The following IRAK2 variants were observed in gnomAD, a reference collection of about 807,000 sequenced individuals.
IRAK2 encodes the protein interleukin-1 receptor-associated kinase-like 2.
A neutral mutation model predicts 72.0 loss-of-function variants in IRAK2; 57 were observed. The observed-to-expected ratio is 0.79, with a 90% CI of 0.64 to 0.99. The LOEUF (loss-of-function observed/expected upper bound fraction) is 0.99. Among genes scored for constraint, IRAK2 ranks in the 50% least tolerant of loss-of-function variants. The pLI is 0.00. For missense variants in IRAK2, 790 were observed against 794.4 expected (o/e 0.99, Z 0.07); for synonymous variants, 293 against 312.7 (o/e 0.94, Z 0.67).
intron 2 of IRAK2, among the ~76,000 whole-genome samples, chr3:10,192,361 C>T (rs1697189832): frequency 6.6e-6 from 1 of 152,200 alleles, no homozygotes; most frequent in African/African-American, 2.4e-5. Flanking sequence ...TCTGCTCCAA[C>T]AGCTCCTGGA....
intron 8 of IRAK2, 71 bp from the exon 9 acceptor site, chr3:10,222,565 A>G: frequency 1.5e-6 from 2 of 1,312,676 alleles, no homozygotes; most frequent in Admixed American, 1.7e-5. Flanking sequence ...TGTCTCCCCA[A>G]AGGGTCTCCA....
At chr3:10,182,729 A>G (rs965058759) in intron 2 of IRAK2, among the ~76,000 whole-genome samples, 1 of 149,876 alleles carries the variant, frequency 6.7e-6, no homozygotes, top group Non-Finnish European at 1.5e-5. Flanking sequence ...TTTAATTTTA[A>G]TTTTTTGTTA....
At chr3:10,181,970 CTTT>C (rs376518112) in intron 2 of IRAK2, among the ~76,000 whole-genome samples, 6 of 131,814 alleles carry the variant, frequency 4.6e-5, no homozygotes, top group Non-Finnish European at 6.5e-5. Context: ...TTTTTCTTTT[CTTT>C]TTTTTTTTTT....
chr3:10,175,360 CA>C lies in IRAK2; in HGVS notation c.95-2477del, dbSNP rs1696857485. Among the ~76,000 whole-genome samples the C allele has an allele frequency of 2.0e-5, 3 of 152,006 alleles. No individual in the cohort carries two copies. The East Asian group carries it at 5.9e-4, about 30-fold the overall frequency. The stretch of plus-strand genomic sequence containing the variant: ...CAGGCTAGTATCGAACTCCTGACCT[CA>C]GGTGATCCACCTGCCTCAGCCTCCC... On this transcript the variant is annotated intron_variant, in intron 1 of 12. Transcript: ENST00000256458.
At chr3:10,233,201 C>T (rs1377539020) in intron 10 of IRAK2, among the ~76,000 whole-genome samples, 8 of 152,054 alleles carry the variant, frequency 5.3e-5, no homozygotes, top group Admixed American at 6.6e-5. Context: ...AGGCACGCAC[C>T]GCCATGCCCG....
chr3:10,212,763 CTTT>C (rs543464447), intron 4 of IRAK2, among the ~76,000 whole-genome samples: 3 of 125,948 alleles, frequency 2.4e-5, no homozygotes, highest in Admixed American at 8.4e-5. Flanking sequence ...TATCCATGTC[CTTT>C]TTTTTTTTTT....
rs947074561 is a variant in IRAK2 at position 10,213,640 on chromosome 3, A to G, written c.788+92A>G. On this transcript the variant is annotated intron_variant, in intron 6 of 12. Transcript: ENST00000256458. ...TCATGTTTTAAGCACTCTATTATAT[A>G]TAAACTCATTTAGTCCTTACAAGAA... 12 of 942,412 alleles carry G rather than the reference A, an allele frequency of 1.3e-5. No individual in the cohort carries two copies. In the East Asian group the frequency reaches 2.4e-4, roughly 19 times the overall value. The allele number at this position is 942,412 out of a possible 1,614,324, so 58.4% of individuals were successfully genotyped here. A position where few individuals can be genotyped will look rare whatever the true frequency, so the allele number is the denominator to read the frequency against.
chr3:10,224,535 T>C (rs1697741849), intron 9 of IRAK2, among the ~76,000 whole-genome samples: 1 of 146,094 alleles, frequency 6.8e-6, no homozygotes, highest in South Asian at 2.5e-4. Context: ...CCCTGCACCC[T>C]GCACCTACCA....
intron 1 of IRAK2, among the ~76,000 whole-genome samples, chr3:10,172,186 C>A (rs1185515877): frequency 2.0e-5 from 3 of 149,582 alleles, no homozygotes; most frequent in African/African-American, 7.4e-5. Flanking sequence ...CTGGCTAACA[C>A]AGTGAAACCC....
chr3:10,179,906 A>T lies in IRAK2; in HGVS notation c.277+1886A>T, dbSNP rs375229373. On this transcript the variant is annotated intron_variant, in intron 2 of 12. Coordinates refer to ENST00000256458, the MANE Select transcript of IRAK2 (RefSeq NM_001570.4). ...CTGTATAGTGTCATGATACACTTAG[A>T]TGTATAGAGCCTGTTTTGCACACAT... Among the ~76,000 whole-genome samples the T allele has an allele frequency of 2.1e-4, 32 of 152,314 alleles. No homozygotes were observed. The East Asian group carries it at 4.3e-3, about 20-fold the overall frequency.
intron 9 of IRAK2, among the ~76,000 whole-genome samples, chr3:10,225,942 G>A (rs780955978): frequency 1.1e-4 from 16 of 151,926 alleles, no homozygotes; most frequent in Non-Finnish European, 1.6e-4. Flanking sequence ...CACGTGATCC[G>A]CCCACCTCAG....
intron 8 of IRAK2, among the ~76,000 whole-genome samples, chr3:10,220,592 G>A (rs1350370314): frequency 2.6e-5 from 4 of 151,968 alleles, no homozygotes; most frequent in East Asian, 1.9e-4. Flanking sequence ...ACAGGTGCTC[G>A]CCACCACACC....
At chr3:10,221,201 G>A (rs1433180805) in intron 8 of IRAK2, among the ~76,000 whole-genome samples, 7 of 148,738 alleles carry the variant, frequency 4.7e-5, no homozygotes, top group Non-Finnish European at 8.9e-5. Context: ...GACCATCCTG[G>A]CTAACACGGT....
rs372186246 is a variant in IRAK2, at chr3:10,242,159, G to T, written c.1809G>T (p.Arg603Ser). The change falls in exon 13 of 13, where the codon AGG (arginine) becomes AGT (serine). Residue 603 changes from arginine to serine, a missense_variant. Arg to Ser is a moderately radical substitution (Grantham distance 110). Transcript: ENST00000256458. ...SWQIEINEAK[R>S]KLMENILLYK... ...AAATTGAGATCAATGAGGCCAAAAG[G>T]AAACTGATGGAGAATATTCTGCTCT... 6 of 1,613,766 alleles carry T rather than the reference G, an allele frequency of 3.7e-6. No homozygotes were observed. The highest frequency in any genetic ancestry group is 5.1e-6 in the Non-Finnish European group (6 of 1,179,806).
chr3:10,237,818 A>AG (rs1196957988), intron 11 of IRAK2, among the ~76,000 whole-genome samples: 4 of 151,078 alleles, frequency 2.6e-5, no homozygotes, highest in Admixed American at 6.6e-5. Flanking sequence ...AAAAAAAAAA[A>AG]AAAAAAAGAA....
In IRAK2 at chr3:10,243,341, GTGT is replaced by G. The variant is rs1698091306; in HGVS notation, c.*1118_*1120del. ...AGCCACCGCACCCGGCCGAGAATATGTGTTGTTATTTATGACTGGATTATGAAG... is the reference window on the plus strand; with the variant it reads ...AGCCACCGCACCCGGCCGAGAATATGTGTTATTTATGACTGGATTATGAAG... On this transcript the variant is annotated 3_prime_UTR_variant, in exon 13 of 13. Transcript: ENST00000256458. The G allele has an allele frequency of 6.6e-6, 1 of 152,610 alleles. No individual in the cohort carries two copies. Among genetic ancestry groups the G allele is most frequent in the Admixed American group, 6.5e-5 (1 of 15,276 alleles). The allele number at this position is 152,610 out of a possible 1,614,324, so 9.5% of individuals were successfully genotyped here. A position where few individuals can be genotyped will look rare whatever the true frequency, so the allele number is the denominator to read the frequency against.
intron 2 of IRAK2, among the ~76,000 whole-genome samples, chr3:10,182,701 C>A (rs1032480576): frequency 6.6e-6 from 1 of 151,982 alleles, no homozygotes. Flanking sequence ...TGAGCCACTG[C>A]GCCAGGCCCT....
At chr3:10,174,535 AT>A in intron 1 of IRAK2, among the ~76,000 whole-genome samples, 1 of 151,378 alleles carries the variant, frequency 6.6e-6, no homozygotes, top group East Asian at 1.9e-4. Context: ...GTTTTGTTTT[AT>A]TTTTTTGAGA....
At chr3:10,189,154 C>T (rs922309791) in intron 2 of IRAK2, among the ~76,000 whole-genome samples, 1 of 152,156 alleles carries the variant, frequency 6.6e-6, no homozygotes, top group Non-Finnish European at 1.5e-5. Context: ...GTGGGGAGGG[C>T]AGGTAGGAGA....
Sources: gnomAD v4.1 joint callset for allele counts (sites outside exome capture counted in the v4.1 genomes callset) on GRCh38, gnomAD v4.1.1 for gene constraint, MANE v1.5 for transcripts, NCBI Gene and HGNC (gene_info 2026-07-23, HGNC 2026-07-21) for gene names.